The following ATP13A4 variants were observed in gnomAD, a reference collection of about 807,000 sequenced individuals.
ATP13A4 encodes ATPase 13A4.
In ATP13A4, 114 loss-of-function variants were observed where a neutral mutation model predicts 142.5. The ratio of observed to expected loss-of-function variants is 0.80; its 90% CI spans 0.69 to 0.93. The LOEUF (loss-of-function observed/expected upper bound fraction) is 0.93. Among genes scored for constraint, ATP13A4 ranks in the 40% least tolerant of loss-of-function variants. The probability of loss-of-function intolerance (pLI) is 0.00; values close to 1 mark genes in which losing one functional copy is unlikely to be tolerated. For missense variants in ATP13A4, 1,392 were observed against 1,454.0 expected (o/e 0.96, Z 0.69); for synonymous variants, 488 against 514.8 (o/e 0.95, Z 0.70).
Position 193,493,128 on chromosome 3 carries a change from A to T in ATP13A4, c.414T>A (p.Tyr138Ter). The T allele has an allele frequency of 6.2e-7, 1 of 1,613,286 alleles. No homozygotes were observed. The highest frequency in any genetic ancestry group is 8.5e-7 in the Non-Finnish European group (1 of 1,179,660). Residue 138 changes from tyrosine to a stop codon, truncating the protein, a stop_gained, in exon 4 of 30, where the codon TAT (tyrosine) becomes TAA (stop). Coordinates refer to ENST00000342695, the MANE Select transcript of ATP13A4 (RefSeq NM_032279.4). LOFTEE classifies it high-confidence loss of function. ...VRCIKVQKIR[Y>*]VWNYLEGQFQ... ...ACTGTCCTTCTAAGTAGTTCCAAAC[A>T]TATCTTATTTTCTGCACTTTGATGC...
chr3:193,556,975 G>T (rs547398818), upstream of ATP13A4, among the ~76,000 whole-genome samples: 9 of 152,278 alleles, frequency 5.9e-5, no homozygotes, highest in South Asian at 1.9e-3. Context: ...TGAGAAAGAA[G>T]TAATTCATTC....
rs746420875 is a variant in ATP13A4, at chr3:193,459,144, G to A, written c.1611C>T (p.Ile537=). 2.5e-6 allele frequency: 4 copies of A among 1,614,106 alleles called. No individual in the cohort carries two copies. The highest frequency in any genetic ancestry group is 1.3e-5 in the African/African-American group (1 of 74,920). Residue 537 remains isoleucine (I), a synonymous_variant, in exon 14 of 30, where the codon ATC becomes ATT. Coordinates refer to ENST00000342695, the MANE Select transcript of ATP13A4 (RefSeq NM_032279.4). ...CAAMASCHSL[I]LLDGTIQGDP... is the part of the protein sequence containing the mutation. ...CTCCCTGGATGGTCCCATCAAGAAG[G>A]ATCAGAGAGTGGCAGCTGGCCATCG...
intron 19 of ATP13A4, 78 bp from the exon 20 acceptor site, chr3:193,441,666 T>C: frequency 1.3e-6 from 2 of 1,529,714 alleles, no homozygotes; most frequent in African/African-American, 1.4e-5. Context: ...CTGAGAGAAG[T>C]TAATGAAGAC....
chr3:193,581,135 G>A (rs550748038), intron 2 of ATP13A4, among the ~76,000 whole-genome samples: 6 of 152,288 alleles, frequency 3.9e-5, no homozygotes, highest in South Asian at 2.1e-4. Flanking sequence ...AAACAATGAA[G>A]ATGTACATTA....
At chr3:193,563,068 C>T (rs1724053120) in intron 2 of ATP13A4, among the ~76,000 whole-genome samples, 1 of 151,840 alleles carries the variant, frequency 6.6e-6, no homozygotes, top group Non-Finnish European at 1.5e-5. Context: ...TGCCCAGTCT[C>T]GTGTCAGACA....
chr3:193,432,113 T>C (rs1319073735), intron 25 of ATP13A4, among the ~76,000 whole-genome samples: 1 of 87,242 alleles, frequency 1.1e-5, no homozygotes, highest in Non-Finnish European at 3.3e-5. Context: ...AATGATCTAG[T>C]AAACAAGAGA....
At chr3:193,422,486 A>T (rs1715455628) in intron 25 of ATP13A4, among the ~76,000 whole-genome samples, 1 of 149,898 alleles carries the variant, frequency 6.7e-6, no homozygotes, top group African/African-American at 2.4e-5. Flanking sequence ...TTCACAAAAC[A>T]AGTACTAAAA....
intron 25 of ATP13A4, among the ~76,000 whole-genome samples, chr3:193,426,338 G>T (rs1242857253): frequency 2.6e-5 from 4 of 151,848 alleles, no homozygotes; most frequent in Middle Eastern, 3.4e-3. Flanking sequence ...ACAAAACTTT[G>T]TTGAAAGAAA....
upstream of ATP13A4, chr3:193,555,260 G>C: frequency 3.9e-6 from 1 of 257,036 alleles, no homozygotes; most frequent in Admixed American, 5.0e-5. Context: ...CTAAGGAATT[G>C]GGTTGAGCGG....
chr3:193,502,461 C>G, intron 3 of ATP13A4, 32 bp downstream of exon 3: 1 of 1,608,440 alleles, frequency 6.2e-7, no homozygotes. Flanking sequence ...TTAAATCTCT[C>G]TGACATCAGC....
At chr3:193,548,528 T>C (rs1280982758) in intron 1 of ATP13A4, among the ~76,000 whole-genome samples, 2 of 152,220 alleles carry the variant, frequency 1.3e-5, no homozygotes, top group Non-Finnish European at 2.9e-5. Flanking sequence ...ACATTTCAAA[T>C]GACAAAATGT....
chr3:193,571,627 A>G (rs1724268503), intron 2 of ATP13A4, among the ~76,000 whole-genome samples: 1 of 152,178 alleles, frequency 6.6e-6, no homozygotes, highest in Admixed American at 6.5e-5. Context: ...CTTCCTCCCA[A>G]AAACCTACAA....
At chr3:193,565,468 A>G (rs941822234) in intron 2 of ATP13A4, among the ~76,000 whole-genome samples, 1 of 152,094 alleles carries the variant, frequency 6.6e-6, no homozygotes, top group Admixed American at 6.6e-5. Flanking sequence ...GAATTTCTGG[A>G]CCCTTTGAAA....
chr3:193,583,285 T>A (rs1247990545), intron 1 of ATP13A4, among the ~76,000 whole-genome samples: 7 of 151,398 alleles, frequency 4.6e-5, no homozygotes, highest in Non-Finnish European at 1.0e-4. Context: ...ATACAAAAAT[T>A]AGCTGGGATT....
chr3:193,441,015 C>CTATA (rs202004552), intron 20 of ATP13A4, among the ~76,000 whole-genome samples: 27 of 149,420 alleles, frequency 1.8e-4, no homozygotes, highest in South Asian at 8.5e-4. Flanking sequence ...CTCTCTCTCT[C>CTATA]TCTATATATA....
chr3:193,468,181 AAAAT>A (rs1284499291), intron 9 of ATP13A4, among the ~76,000 whole-genome samples: 91 of 152,212 alleles, frequency 6.0e-4, no homozygotes, highest in African/African-American at 2.0e-3. Flanking sequence ...CTCCATCTCA[AAAAT>A]AAATAAATAA....
At chr3:193,574,772 A>T (rs1724358827) in intron 2 of ATP13A4, among the ~76,000 whole-genome samples, 1 of 152,140 alleles carries the variant, frequency 6.6e-6, no homozygotes, top group African/African-American at 2.4e-5. Context: ...CTGTAATGGG[A>T]CAAAACGTGT....
intron 3 of ATP13A4, among the ~76,000 whole-genome samples, chr3:193,496,797 C>CATAAATAA (rs4019217): frequency 2.0e-3 from 298 of 145,664 alleles, no homozygotes; most frequent in African/African-American, 3.0e-3. Context: ...TCTCAAAATA[C>CATAAATAA]ATAAATAAAT....
chr3:193,541,180 C>T (rs1008602683), intron 1 of ATP13A4, among the ~76,000 whole-genome samples: 5 of 139,452 alleles, frequency 3.6e-5, no homozygotes, highest in Admixed American at 3.1e-4. Flanking sequence ...ACCCGGGAGG[C>T]GGAGCTTGCA....
Sources: allele counts gnomAD v4.1 joint callset (sites outside exome capture counted in the v4.1 genomes callset), GRCh38; gene constraint gnomAD v4.1.1; transcripts MANE v1.5; gene names NCBI Gene and HGNC (gene_info 2026-07-23, HGNC 2026-07-21).